Variants in DPP10 observed in about 807,000 individuals in gnomAD.
DPP10 encodes the protein dipeptidyl peptidase like 10, also known as inactive dipeptidyl peptidase 10.
A neutral mutation model predicts 120.9 loss-of-function variants in DPP10; 33 were observed. That is an observed-to-expected ratio of 0.27 (90% CI 0.21 to 0.37). The LOEUF (loss-of-function observed/expected upper bound fraction) is 0.37. Ranked by LOEUF, DPP10 falls within the 10% of genes least tolerant of loss-of-function variation. DPP10 has a pLI of 1.00. For synonymous variants in DPP10, 337 were observed against 326.1 expected, an observed-to-expected ratio of 1.03 and a Z score of -0.36; for missense variants, 816 against 942.8, an observed-to-expected ratio of 0.87 and a Z score of 1.76.
chr2:114,796,979 A>T (rs1014555422), intron 1 of DPP10, among the ~76,000 whole-genome samples: 1 of 152,210 alleles, frequency 6.6e-6, no homozygotes, highest in African/African-American at 2.4e-5. Context: ...GTTTGATCAT[A>T]GAACTCTACT....
chr2:114,890,367 G>A (rs768662928), intron 1 of DPP10, among the ~76,000 whole-genome samples: 3 of 152,238 alleles, frequency 2.0e-5, no homozygotes, highest in Middle Eastern at 3.4e-3. Context: ...GGAAGATAGA[G>A]ATAAGAAATA....
chr2:115,209,891 T>C (rs1253956218), intron 1 of DPP10, among the ~76,000 whole-genome samples: 1 of 152,162 alleles, frequency 6.6e-6, no homozygotes, highest in Admixed American at 6.5e-5. Context: ...TTCATTTCTA[T>C]AATATCTTAA....
chr2:114,805,362 G>A (rs1684636452), intron 1 of DPP10, among the ~76,000 whole-genome samples: 1 of 152,142 alleles, frequency 6.6e-6, no homozygotes. Context: ...GGACACACGA[G>A]TGCTCTTCAG....
intron 1 of DPP10, among the ~76,000 whole-genome samples, chr2:115,013,553 G>A (rs1482665150): frequency 1.3e-5 from 2 of 150,360 alleles, no homozygotes; most frequent in Non-Finnish European, 3.0e-5. Flanking sequence ...CTTGCTAAGA[G>A]TCAAACACAT....
chr2:115,007,227 T>C (rs1227489960), intron 1 of DPP10, among the ~76,000 whole-genome samples: 1 of 152,136 alleles, frequency 6.6e-6, no homozygotes, highest in Admixed American at 6.6e-5. Flanking sequence ...TTATCCACCA[T>C]GATCAAGTGG....
chr2:115,685,352 A>G (rs535837558), intron 5 of DPP10, among the ~76,000 whole-genome samples: 37 of 152,066 alleles, frequency 2.4e-4, no homozygotes, highest in African/African-American at 8.2e-4. Context: ...ATAAAACCAA[A>G]AAGATTAATC....
At chr2:115,299,493 C>T (rs553553891) in intron 1 of DPP10, among the ~76,000 whole-genome samples, 4 of 151,916 alleles carry the variant, frequency 2.6e-5, no homozygotes, top group African/African-American at 7.2e-5. Context: ...ATGGAGATCA[C>T]GATATTTCTC....
intron 7 of DPP10, among the ~76,000 whole-genome samples, chr2:115,694,787 A>G (rs555690954): frequency 3.9e-5 from 6 of 152,282 alleles, no homozygotes; most frequent in South Asian, 2.1e-4. Flanking sequence ...AGTTGACTTG[A>G]ACTCTTAGCT....
At chr2:115,704,881 TATTA>T (rs1238889910) in intron 7 of DPP10, among the ~76,000 whole-genome samples, 1 of 151,956 alleles carries the variant, frequency 6.6e-6, no homozygotes, top group Admixed American at 6.6e-5. Context: ...ATGAGGCAAA[TATTA>T]AAGAAGTGTA....
chr2:115,131,539 G>T (rs990571332), intron 1 of DPP10, among the ~76,000 whole-genome samples: 1 of 151,940 alleles, frequency 6.6e-6, no homozygotes, highest in Admixed American at 6.6e-5. Context: ...AAGAAGGGTA[G>T]CAAATAAATA....
At chr2:115,011,468 C>A (rs1404181371) in intron 1 of DPP10, among the ~76,000 whole-genome samples, 4 of 152,290 alleles carry the variant, frequency 2.6e-5, no homozygotes, top group African/African-American at 9.6e-5. Flanking sequence ...GGCACATAAG[C>A]ATTTATCCTT....
At chr2:115,403,235 A>G (rs1289005096) in intron 3 of DPP10, among the ~76,000 whole-genome samples, 1 of 151,904 alleles carries the variant, frequency 6.6e-6, no homozygotes, top group Non-Finnish European at 1.5e-5. Flanking sequence ...AATTAACTAT[A>G]CGGAAAAAAT....
chr2:114,704,917 G>A (rs1700598251), intron 1 of DPP10, among the ~76,000 whole-genome samples: 1 of 152,100 alleles, frequency 6.6e-6, no homozygotes, highest in African/African-American at 2.4e-5. Context: ...AAGAGAGAGT[G>A]CACATCTATA....
intron 5 of DPP10, among the ~76,000 whole-genome samples, chr2:115,685,699 T>C (rs2090951625): frequency 6.6e-6 from 1 of 152,046 alleles, no homozygotes; most frequent in Admixed American, 6.6e-5. Context: ...TAAAAATAGT[T>C]ATTGTGGTGC....
At chr2:115,223,051 G>C (rs1244259702) in intron 1 of DPP10, among the ~76,000 whole-genome samples, 1 of 152,058 alleles carries the variant, frequency 6.6e-6, no homozygotes, top group Non-Finnish European at 1.5e-5. Context: ...ATATATCTGT[G>C]AATGGTGTTT....
At chr2:114,825,643 A>G (rs766774198) in intron 1 of DPP10, among the ~76,000 whole-genome samples, 1 of 152,202 alleles carries the variant, frequency 6.6e-6, no homozygotes, top group Non-Finnish European at 1.5e-5. Flanking sequence ...GAAGCATTCT[A>G]TGAATTTTAT....
At chr2:115,737,507 A>G (rs947562454) in intron 8 of DPP10, among the ~76,000 whole-genome samples, 3 of 152,098 alleles carry the variant, frequency 2.0e-5, no homozygotes, top group Non-Finnish European at 4.4e-5. Flanking sequence ...TGCCTGTCCT[A>G]TGATTGTCAT....
chr2:115,298,827 A>G (rs941055357), intron 1 of DPP10, among the ~76,000 whole-genome samples: 5 of 152,038 alleles, frequency 3.3e-5, no homozygotes, highest in African/African-American at 1.2e-4. Context: ...GACTGCACTG[A>G]GCTAAGGCAT....
At chr2:114,750,568 C>A (rs1251636974) in intron 1 of DPP10, among the ~76,000 whole-genome samples, 1 of 152,092 alleles carries the variant, frequency 6.6e-6, no homozygotes, top group Admixed American at 6.6e-5. Flanking sequence ...CTCCTAACCT[C>A]GTGATCCGCC....
Sources: gnomAD v4.1 joint callset for allele counts (sites outside exome capture counted in the v4.1 genomes callset) on GRCh38, gnomAD v4.1.1 for gene constraint, MANE v1.5 for transcripts, NCBI Gene and HGNC (gene_info 2026-07-23, HGNC 2026-07-21) for gene names.